FOXP1: variants seen among roughly 807,000 people sequenced by gnomAD.
FOXP1 encodes the protein forkhead box protein P1.
In FOXP1, 15 loss-of-function variants were observed where a neutral mutation model predicts 98.2. The ratio of observed to expected loss-of-function variants is 0.15; its 90% confidence interval spans 0.10 to 0.24. The LOEUF (loss-of-function observed/expected upper bound fraction) is 0.24, where lower values mean the gene tolerates loss of function less well. Ranked by LOEUF, FOXP1 falls within the 10% of genes least tolerant of loss-of-function variation. The pLI, the probability that FOXP1 is intolerant of heterozygous loss-of-function variation, is 1.00. For synonymous variants in FOXP1, 371 were observed against 314.5 expected (o/e 1.18, Z -1.90); for missense variants, 633 against 848.5 (o/e 0.75, Z 3.15).
At chr3:71,479,810 G>T (rs2090134055) in intron 3 of FOXP1, among the ~76,000 whole-genome samples, 1 of 152,122 alleles carries the variant, frequency 6.6e-6, no homozygotes, top group African/African-American at 2.4e-5. Context: ...ACTAATCTTG[G>T]TTATGTTTAC....
chr3:70,989,641 T>A (rs1559655269), intron 13 of FOXP1, among the ~76,000 whole-genome samples: 1 of 152,188 alleles, frequency 6.6e-6, no homozygotes, highest in Admixed American at 6.5e-5. Context: ...TCAGACTTTT[T>A]AAGAAATGTT....
Position 70,954,778 on chromosome 3 carries a change from C to A in FOXP1, c.*4469G>T. The A allele has an allele frequency of 4.3e-6, 1 of 231,052 alleles. No individual in the cohort carries two copies. Among genetic ancestry groups the A allele is most frequent in the East Asian group, 6.1e-5 (1 of 16,290 alleles). 14.3% of individuals were successfully genotyped at this position (231,052 alleles called of 1,614,324 possible). A position where few individuals can be genotyped will look rare whatever the true frequency, so the allele number is the denominator to read the frequency against. On this transcript the variant is annotated 3_prime_UTR_variant, in exon 21 of 21. Transcript: ENST00000649528. ...ATGCTTATAATGTCAGTAATTAGTA[C>A]TGACTACACAACATTTTTTTTATTG...
At chr3:71,370,558 C>T (rs1427652991) in intron 3 of FOXP1, among the ~76,000 whole-genome samples, 1 of 152,164 alleles carries the variant, frequency 6.6e-6, no homozygotes, top group Non-Finnish European at 1.5e-5. Context: ...AACAGAGTCA[C>T]AAGACGCAGG....
At chr3:71,163,526 C>T (rs987783338) in intron 6 of FOXP1, among the ~76,000 whole-genome samples, 2 of 152,168 alleles carry the variant, frequency 1.3e-5, no homozygotes, top group Non-Finnish European at 2.9e-5. Flanking sequence ...GCATAGCAAA[C>T]GTGGCGGCTG....
intron 6 of FOXP1, among the ~76,000 whole-genome samples, chr3:71,134,651 G>T (rs2059731774): frequency 6.6e-6 from 1 of 152,234 alleles, no homozygotes; most frequent in African/African-American, 2.4e-5. Context: ...CCTTGTAAAT[G>T]AGAACAGAGA....
At chr3:71,024,334 G>A (rs1178573401) in intron 11 of FOXP1, among the ~76,000 whole-genome samples, 6 of 152,142 alleles carry the variant, frequency 3.9e-5, no homozygotes, top group Non-Finnish European at 8.8e-5. Context: ...CTTAGACACT[G>A]CATTTCTAGC....
chr3:71,242,194 A>G (rs1406459390), intron 5 of FOXP1, among the ~76,000 whole-genome samples: 1 of 152,192 alleles, frequency 6.6e-6, no homozygotes, highest in Non-Finnish European at 1.5e-5. Context: ...TGCTATTACT[A>G]ACCCCCCATA....
intron 3 of FOXP1, among the ~76,000 whole-genome samples, chr3:71,430,296 C>G (rs1451835261): frequency 6.6e-6 from 1 of 152,166 alleles, no homozygotes; most frequent in Non-Finnish European, 1.5e-5. Context: ...CATGCACACA[C>G]AGTAAAATGA....
chr3:71,202,766 A>AG (rs948551687), intron 5 of FOXP1, among the ~76,000 whole-genome samples: 6 of 152,242 alleles, frequency 3.9e-5, no homozygotes, highest in African/African-American at 1.4e-4. Flanking sequence ...TGAGAGTGGC[A>AG]GGTGGACAAA....
intron 3 of FOXP1, among the ~76,000 whole-genome samples, chr3:71,375,650 C>A (rs2079657356): frequency 6.6e-6 from 1 of 152,060 alleles, no homozygotes; most frequent in Admixed American, 6.5e-5. Context: ...GACTGAAACA[C>A]GTTGAGGAAA....
chr3:71,398,249 T>C (rs2081691475), intron 3 of FOXP1, among the ~76,000 whole-genome samples: 1 of 152,228 alleles, frequency 6.6e-6, no homozygotes, highest in African/African-American at 2.4e-5. Context: ...GCAATATGTA[T>C]GTCAACAGTG....
intron 12 of FOXP1, among the ~76,000 whole-genome samples, chr3:71,008,152 A>G (rs994284991): frequency 2.6e-5 from 4 of 152,182 alleles, no homozygotes; most frequent in African/African-American, 9.6e-5. Flanking sequence ...AGCACATAAG[A>G]GTACCTGGTG....
chr3:71,292,626 T>TG (rs1483639159), intron 5 of FOXP1: 4 of 152,240 alleles, frequency 2.6e-5, no homozygotes, highest in Admixed American at 6.5e-5. Context: ...TGAGCCACCA[T>TG]GCCCGGCCTA....
At chr3:71,377,657 C>A (rs1244180633) in intron 3 of FOXP1, among the ~76,000 whole-genome samples, 1 of 152,182 alleles carries the variant, frequency 6.6e-6, no homozygotes, top group African/African-American at 2.4e-5. Flanking sequence ...CACTTCAGAA[C>A]ATATCAGCTA....
chr3:71,068,375 G>A (rs1272923450), intron 7 of FOXP1, among the ~76,000 whole-genome samples: 1 of 152,182 alleles, frequency 6.6e-6, no homozygotes, highest in Non-Finnish European at 1.5e-5. Flanking sequence ...AGCTGAGAAT[G>A]GAGATAAGAT....
chr3:71,418,032 G>A (rs1220179051), intron 3 of FOXP1, among the ~76,000 whole-genome samples: 2 of 149,142 alleles, frequency 1.3e-5, no homozygotes, highest in Non-Finnish European at 3.0e-5. Context: ...TTTTACTCAC[G>A]AAGTTGCCAG....
intron 2 of FOXP1, among the ~76,000 whole-genome samples, chr3:71,555,062 G>A (rs2046031819): frequency 1.3e-5 from 2 of 152,122 alleles, no homozygotes; most frequent in Non-Finnish European, 2.9e-5. Flanking sequence ...TTCTTACAAT[G>A]TATATATTTT....
chr3:71,190,656 A>G (rs539761688), intron 6 of FOXP1, among the ~76,000 whole-genome samples: 12 of 150,364 alleles, frequency 8.0e-5, no homozygotes, highest in East Asian at 1.9e-4. Context: ...AAAAAAAAAA[A>G]AAAAAGAAAA....
intron 11 of FOXP1, among the ~76,000 whole-genome samples, chr3:71,031,220 C>CA (rs1447343374): frequency 1.3e-5 from 2 of 152,138 alleles, no homozygotes; most frequent in African/African-American, 2.4e-5. Flanking sequence ...AGACATATCT[C>CA]AAAGTACTGT....
Sources: gnomAD v4.1 joint callset for allele counts (sites outside exome capture counted in the v4.1 genomes callset) on GRCh38, gnomAD v4.1.1 for gene constraint, MANE v1.5 for transcripts, NCBI Gene and HGNC (gene_info 2026-07-23, HGNC 2026-07-21) for gene names.